The following CYP20A1 variants were observed in gnomAD, a reference collection of about 807,000 sequenced individuals.
CYP20A1 encodes cytochrome P450 20A1.
A neutral mutation model predicts 61.4 loss-of-function variants in CYP20A1; 61 were observed. The observed-to-expected ratio is 0.99, with a 90% CI of 0.81 to 1.23. The LOEUF is 1.23. CYP20A1 is among the 50% of genes most tolerant of loss of function. The pLI is 0.00. For synonymous variants in CYP20A1, 193 were observed against 188.2 expected (o/e 1.03, Z -0.21); for missense variants, 530 against 542.4 (o/e 0.98, Z 0.23).
Position 203,296,764 on chromosome 2 carries a change from A to G in CYP20A1, c.1245A>G (p.Ala415=). ...GTQECPELRF[A]YMVTTVLLSV... ...TGACTTTCTTCCTGACTAGGTTTGC[A>G]TATATGGTGACCACAGTACTTCTTA... The change falls in exon 13 of 13, where the codon GCA becomes GCG. Residue 415 remains alanine, a synonymous_variant. Coordinates refer to ENST00000356079, the MANE Select transcript of CYP20A1 (RefSeq NM_177538.3). The G allele has an allele frequency of 1.3e-6, 2 of 1,588,132 alleles. No individual in the cohort carries two copies. The highest frequency in any genetic ancestry group is 2.7e-5 in the African/African-American group (2 of 73,446).
At chr2:203,239,547 T>C (rs755996743) in intron 1 of CYP20A1, among the ~76,000 whole-genome samples, 2 of 152,226 alleles carry the variant, frequency 1.3e-5, no homozygotes, top group Non-Finnish European at 1.5e-5. Flanking sequence ...GCGCCACTCC[T>C]TTCTCCTTTC....
At chr2:203,252,912 G>A (rs1575179693) in intron 4 of CYP20A1, among the ~76,000 whole-genome samples, 3 of 152,162 alleles carry the variant, frequency 2.0e-5, no homozygotes, top group South Asian at 2.1e-4. Flanking sequence ...TCCTATGTTC[G>A]TAATTGGGGT....
Position 203,296,850 on chromosome 2 carries a change from A to G in CYP20A1, c.1331A>G (p.Tyr444Cys), listed in dbSNP as rs773786759. The G allele has an allele frequency of 1.2e-6, 2 of 1,610,778 alleles. No individual in the cohort carries two copies. The highest frequency in any genetic ancestry group is 1.1e-5 in the South Asian group (1 of 90,292). ...GAGGGACAGGTTATTGAAACAAAGT[A>G]TGAACTGGTAACATCATCAAGGGAA... ...SVEGQVIETK[Y>C]ELVTSSREEA... Residue 444 changes from tyrosine to cysteine, a missense_variant, in exon 13 of 13, where the codon TAT becomes TGT. Coordinates refer to ENST00000356079, the MANE Select transcript of CYP20A1 (RefSeq NM_177538.3).
At chr2:203,260,896 T>C (rs773464157) in intron 4 of CYP20A1, among the ~76,000 whole-genome samples, 2 of 152,216 alleles carry the variant, frequency 1.3e-5, no homozygotes, top group Non-Finnish European at 2.9e-5. Context: ...TCCTGCTTTA[T>C]TGCCAAACAT....
chr2:203,296,738 T>C lies in CYP20A1; in HGVS notation c.1239-20T>C, dbSNP rs186142151. ...ATAATTTTTAATCTTTAGTAACTAA[T>C]TGACTTTCTTCCTGACTAGGTTTGC... On this transcript the variant is annotated intron_variant, in intron 12 of 12. Coordinates refer to ENST00000356079, the MANE Select transcript of CYP20A1 (RefSeq NM_177538.3). The C allele has an allele frequency of 3.2e-6, 5 of 1,571,508 alleles. No homozygotes were observed. In the Admixed American group the frequency reaches 1.1e-4, roughly 33 times the overall value.
Position 203,252,068 on chromosome 2 carries a change from G to A in CYP20A1, c.391G>A (p.Val131Met). Residue 131 changes from valine to methionine, a missense_variant, in exon 4 of 13, where the codon GTG (valine) becomes ATG (methionine). Physicochemically the swap from Val to Met is conservative, Grantham distance 21. Transcript: ENST00000356079. Reference sequence around the variant, plus strand: ...GAGGAAAAAATTGTATGAAAATGGTGTGACTGATTCTCTGAAGAGTAACTT... The same window carrying A: ...GAGGAAAAAATTGTATGAAAATGGTATGACTGATTCTCTGAAGAGTAACTT... ...HMRKKLYENG[V>M]TDSLKSNFAL... 2 of 1,609,802 alleles carry A rather than the reference G, an allele frequency of 1.2e-6. No homozygotes were observed. The highest frequency in any genetic ancestry group is 1.1e-5 in the South Asian group (1 of 90,484).
rs1012332493 is a variant in CYP20A1 at position 203,301,839 on chromosome 2, C to G, written c.*4931C>G. On this transcript the variant is annotated 3_prime_UTR_variant, in exon 13 of 13. Transcript: ENST00000356079. ...ATAATAATGTTTATTGTAGAAAAAT[C>G]TAGGAAAACACAAAAATGTCAAACT... 6.7e-6 allele frequency among the ~76,000 whole-genome samples: 1 copy of G among 149,738 alleles called. No homozygotes were observed. The highest frequency in any genetic ancestry group is 1.5e-5 in the Non-Finnish European group (1 of 67,676).
In CYP20A1 at chr2:203,246,724, A is replaced by C. The variant is rs770412261; in HGVS notation, c.123-31A>C. 40 of 1,597,762 alleles carry C rather than the reference A, an allele frequency of 2.5e-5. No individual in the cohort carries two copies. The East Asian group carries it at 8.9e-4, about 36-fold the overall frequency. On this transcript the variant is annotated intron_variant, in intron 2 of 12. Coordinates refer to ENST00000356079, the MANE Select transcript of CYP20A1 (RefSeq NM_177538.3). ...TTTCTCATTTTTCCAAATTAAATTG[A>C]TTATTTTGTCAAATGTTGCTCTTTT...
At chr2:203,255,477 T>A (rs1254631806) in intron 4 of CYP20A1, among the ~76,000 whole-genome samples, 2 of 152,176 alleles carry the variant, frequency 1.3e-5, no homozygotes, top group Non-Finnish European at 2.9e-5. Context: ...TGTATTGGTT[T>A]AAAAAGTCAG....
chr2:203,251,071 A>AG (rs1488342181), intron 3 of CYP20A1, among the ~76,000 whole-genome samples: 1 of 148,352 alleles, frequency 6.7e-6, no homozygotes, highest in Non-Finnish European at 1.5e-5. Flanking sequence ...CTCAAAAAAA[A>AG]AAAAAAAAAA....
At chr2:203,279,870 G>A (rs552078871) in intron 7 of CYP20A1, among the ~76,000 whole-genome samples, 189 bp from the exon 8 acceptor site, 1 of 152,248 alleles carries the variant, frequency 6.6e-6, no homozygotes, top group South Asian at 2.1e-4. Context: ...TTTTTAAAAA[G>A]CAGTGTGGTA....
intron 4 of CYP20A1, among the ~76,000 whole-genome samples, chr2:203,261,536 C>A (rs1294764721): frequency 6.5e-5 from 9 of 139,404 alleles, no homozygotes; most frequent in Non-Finnish European, 1.3e-4. Flanking sequence ...ATCACTCCAG[C>A]CTGGCCTGGA....
At chr2:203,283,584 C>T (rs1396243646) in intron 8 of CYP20A1, among the ~76,000 whole-genome samples, 1 of 131,726 alleles carries the variant, frequency 7.6e-6, no homozygotes, top group African/African-American at 2.9e-5. Context: ...GAGTCTTGCT[C>T]TGTCACCAGG....
chr2:203,262,810 T>C (rs1373587915), intron 4 of CYP20A1, among the ~76,000 whole-genome samples: 2 of 148,722 alleles, frequency 1.3e-5, no homozygotes, highest in African/African-American at 2.5e-5. Context: ...TGCCTCAGCC[T>C]CGTGAGTAGC....
chr2:203,288,594 G>T (rs1390377853), intron 9 of CYP20A1, among the ~76,000 whole-genome samples: 1 of 152,102 alleles, frequency 6.6e-6, no homozygotes, highest in African/African-American at 2.4e-5. Flanking sequence ...TTCACATGCA[G>T]CAGGTACGCA....
In CYP20A1 at chr2:203,296,488, G is replaced by C. The variant is rs749309243; in HGVS notation, c.1163G>C (p.Arg388Pro). The change falls in exon 12 of 13, where the codon CGG becomes CCG. Residue 388 changes from arginine (R) to proline (P), a missense_variant. By Grantham distance (103) the Arg-to-Pro change is moderately radical. Transcript: ENST00000356079. Reference protein sequence around the residue: ...WPSPHKFDPDRFDDELVMKTF... With the variant: ...WPSPHKFDPDPFDDELVMKTF... ...TTTCTTTGTAGGTTTGATCCAGATC[G>C]GTTTGATGATGAATTAGTAATGAAA... 6.2e-7 allele frequency: 1 copy of C among 1,610,862 alleles called. No individual in the cohort carries two copies. The highest frequency in any genetic ancestry group is 8.5e-7 in the Non-Finnish European group (1 of 1,178,210).
At chr2:203,244,764 T>C (rs1387415801) in intron 1 of CYP20A1, among the ~76,000 whole-genome samples, 1 of 149,756 alleles carries the variant, frequency 6.7e-6, no homozygotes, top group Non-Finnish European at 1.5e-5. Context: ...ACGGAGTCTT[T>C]CTCTGTCGCC....
chr2:203,266,581 A>G lies in CYP20A1; in HGVS notation c.500A>G (p.His167Arg), dbSNP rs1268598513. ...PETQHVPLSQ[H>R]MLGFAMKSVT... ...ACCCAGCACGTGCCCCTCAGCCAGCATATGCTTGGTTTTGCTATGAAGTCT... is the reference window on the plus strand; with the variant it reads ...ACCCAGCACGTGCCCCTCAGCCAGCGTATGCTTGGTTTTGCTATGAAGTCT... Residue 167 changes from histidine (H) to arginine (R), a missense_variant, in exon 5 of 13, where the codon CAT (histidine) becomes CGT (arginine). His to Arg is a conservative substitution (Grantham distance 29). Coordinates refer to ENST00000356079, the MANE Select transcript of CYP20A1 (RefSeq NM_177538.3). The G allele has an allele frequency of 4.3e-6, 7 of 1,613,956 alleles. No individual in the cohort carries two copies. The African/African-American group carries it at 5.3e-5, about 12-fold the overall frequency.
At chr2:203,286,674 T>A (rs991270072) in intron 9 of CYP20A1, among the ~76,000 whole-genome samples, 1 of 152,118 alleles carries the variant, frequency 6.6e-6, no homozygotes, top group Non-Finnish European at 1.5e-5. Flanking sequence ...TGTTGGAGGC[T>A]AGGAATGGGG....
Sources: allele counts gnomAD v4.1 joint callset (sites outside exome capture counted in the v4.1 genomes callset), GRCh38; gene constraint gnomAD v4.1.1; transcripts MANE v1.5; gene names NCBI Gene and HGNC (gene_info 2026-07-23, HGNC 2026-07-21).